The following SOX10 variants were observed in gnomAD, a reference collection of about 807,000 sequenced individuals.
SOX10 encodes the protein transcription factor SOX-10.
SOX10 carries 3 observed loss-of-function variants against 35.0 expected under a neutral mutation model. That is an observed-to-expected ratio of 0.09 (90% CI 0.04 to 0.22). SOX10 has a LOEUF of 0.22. Among genes scored for constraint, SOX10 ranks in the 10% least tolerant of loss-of-function variants. The pLI, the probability that SOX10 is intolerant of heterozygous loss-of-function variation, is 1.00. For synonymous variants in SOX10, 285 were observed against 291.0 expected, an observed-to-expected ratio of 0.98 and a Z score of 0.21; for missense variants, 436 against 655.1, an observed-to-expected ratio of 0.67 and a Z score of 3.65.
chr22:37,977,909 C>T lies in SOX10; in HGVS notation c.655G>A (p.Glu219Lys), dbSNP rs1184710380. ...SAHLDHRHPGEGSPMSDGNPE... is the reference protein window; with the variant it reads ...SAHLDHRHPGKGSPMSDGNPE... ...TTCCCATCTGACATGGGGGAGCCCT[C>T]TCCTGGGTGCCGGTGGTCCAAGTGG... Residue 219 changes from glutamate to lysine, a missense_variant, in exon 3 of 4, where the codon GAG (glutamate) becomes AAG (lysine). Glu to Lys is a moderately conservative substitution (Grantham distance 56). Around this residue, in one of 3 missense-constraint regions of SOX10, gnomAD observed 285 missense variants for 402.9 expected, o/e 0.71. Transcript: ENST00000396884. 8.1e-6 allele frequency: 13 copies of T among 1,613,086 alleles called. No homozygotes were observed. Among genetic ancestry groups the T allele is most frequent in the Non-Finnish European group, 1.1e-5 (13 of 1,179,828 alleles).
intron 2 of SOX10, among the ~76,000 whole-genome samples, chr22:37,982,554 G>A (rs374197707): frequency 4.6e-5 from 7 of 152,292 alleles, no homozygotes; most frequent in East Asian, 1.9e-4. Context: ...CCCTGGGCAG[G>A]AAGGAGGCCA....
chr22:37,979,468 T>G (rs556034842), intron 2 of SOX10, among the ~76,000 whole-genome samples: 3 of 151,932 alleles, frequency 2.0e-5, no homozygotes, highest in Non-Finnish European at 4.4e-5. Context: ...GACTCTTAAC[T>G]CTGGGTCCTG....
chr22:37,980,438 G>A lies in SOX10; in HGVS notation c.429-2303C>T, dbSNP rs976806585. On this transcript the variant is annotated intron_variant, in intron 2 of 3. Transcript: ENST00000396884. The surrounding 1 kb of genome is among the most constrained non-coding windows in gnomAD (Gnocchi z 4.1). Reference sequence around the variant, plus strand: ...AGAAGAGAGAGAGGATTCCAACATCGGATTCCGCTGCTACCTCCTAAGCTA... The same window carrying A: ...AGAAGAGAGAGAGGATTCCAACATCAGATTCCGCTGCTACCTCCTAAGCTA... 6.6e-6 allele frequency among the ~76,000 whole-genome samples: 1 copy of A among 152,086 alleles called. No individual in the cohort carries two copies. The highest frequency in any genetic ancestry group is 1.5e-5 in the Non-Finnish European group (1 of 68,010).
intron 3 of SOX10, among the ~76,000 whole-genome samples, chr22:37,975,026 G>A (rs1012967897): frequency 1.3e-5 from 2 of 152,228 alleles, no homozygotes; most frequent in South Asian, 2.1e-4. Context: ...CCTTAGCCCC[G>A]TCATACGCTG....
chr22:37,976,126 G>T (rs1402943033), intron 3 of SOX10, among the ~76,000 whole-genome samples: 2 of 152,150 alleles, frequency 1.3e-5, no homozygotes, highest in Non-Finnish European at 2.9e-5. Context: ...AGGAGGCTGA[G>T]GCACAAGAAT....
At chr22:37,975,477 T>C (rs995354631) in intron 3 of SOX10, among the ~76,000 whole-genome samples, 2 of 151,946 alleles carry the variant, frequency 1.3e-5, no homozygotes, top group Non-Finnish European at 2.9e-5. Context: ...TCTCCTGATG[T>C]GTGTGTGTGT....
rs1555939523 is a variant in SOX10 at position 37,983,658 on chromosome 22, G to T, written c.127C>A (p.Arg43=). ...AGCTCGCCTGGCCCCGGGCTGGCTC[G>T]CAGGCCCGATCCGCCGCCGCCGCCG... is the stretch of plus-strand genomic sequence containing the variant. The part of the protein sequence containing the change: ...PDGGGGGSGL[R]ASPGPGELGK... Residue 43 remains arginine, a synonymous_variant, in exon 2 of 4, where the codon CGA becomes AGA. Transcript: ENST00000396884. This position sits in a 1 kb window ranked among gnomAD's most constrained non-coding sequence, Gnocchi z 9.5. The T allele has an allele frequency of 1.3e-6, 2 of 1,590,728 alleles. No individual in the cohort carries two copies. The highest frequency in any genetic ancestry group is 1.7e-6 in the Non-Finnish European group (2 of 1,174,074).
Position 37,978,277 on chromosome 22 carries a change from G to T in SOX10, c.429-142C>A. ...GCACCCAGAGGACAGGACCCGGGGT[G>T]GGGGCTGTGCCCTATGATTTGTGGA... On this transcript the variant is annotated intron_variant, in intron 2 of 3. Transcript: ENST00000396884. This position sits in a 1 kb window ranked among gnomAD's most constrained non-coding sequence, Gnocchi z 5.0. The T allele has an allele frequency of 1.1e-6, 1 of 876,760 alleles. No homozygotes were observed. The highest frequency in any genetic ancestry group is 1.7e-6 in the Non-Finnish European group (1 of 593,578). 54.3% of individuals were successfully genotyped at this position (876,760 alleles called of 1,614,324 possible).
rs1213827706 is a variant in SOX10 at position 37,980,090 on chromosome 22, C to G, written c.429-1955G>C. Among the ~76,000 whole-genome samples the G allele has an allele frequency of 6.6e-6, 1 of 152,178 alleles. No homozygotes were observed. The highest frequency in any genetic ancestry group is 1.9e-4 in the East Asian group (1 of 5,190). ...AGCCCAGCCCTAGCCCCAGCTTTCT[C>G]AGAGGGTCCCTCCAGCCGAGACTCT... is the stretch of plus-strand genomic sequence containing the variant. On this transcript the variant is annotated intron_variant, in intron 2 of 3. Transcript: ENST00000396884. This position sits in a 1 kb window ranked among gnomAD's most constrained non-coding sequence, Gnocchi z 4.1.
At chr22:37,979,675 A>T (rs1932335783) in intron 2 of SOX10, among the ~76,000 whole-genome samples, 1 of 152,056 alleles carries the variant, frequency 6.6e-6, no homozygotes, top group Non-Finnish European at 1.5e-5. Context: ...AGAAGCCCTG[A>T]AGCCAGCGCC....
rs1381866628 is a variant in SOX10 at position 37,983,287 on chromosome 22, G to C, written c.428+70C>G. On this transcript the variant is annotated intron_variant, in intron 2 of 3. Transcript: ENST00000396884. The surrounding 1 kb of genome is among the most constrained non-coding windows in gnomAD (Gnocchi z 9.5). Reference sequence around the variant, plus strand: ...TCCCGCTCTGAGGTGCAGGAGGCCGGGCCGCCTCGGCTACCCTGAATCCAC... The same window carrying C: ...TCCCGCTCTGAGGTGCAGGAGGCCGCGCCGCCTCGGCTACCCTGAATCCAC... 2 of 1,523,890 alleles carry C rather than the reference G, an allele frequency of 1.3e-6. No individual in the cohort carries two copies. Among genetic ancestry groups the C allele is most frequent in the South Asian group, 1.2e-5 (1 of 83,986 alleles). The allele number at this position is 1,523,890 out of a possible 1,614,324, so 94.4% of individuals were successfully genotyped here.
Position 37,973,869 on chromosome 22 carries a change from G to T in SOX10, c.1027C>A (p.Pro343Thr), listed in dbSNP as rs754480545. 1.9e-6 allele frequency: 3 copies of T among 1,609,682 alleles called. No individual in the cohort carries two copies. The highest frequency in any genetic ancestry group is 1.7e-5 in the Admixed American group (1 of 59,984). The change falls in exon 4 of 4, where the codon CCC (proline) becomes ACC (threonine). Residue 343 changes from proline (P) to threonine (T), a missense_variant. This residue lies in a region of SOX10 where 285 missense variants were observed against 402.9 expected (regional missense o/e 0.71). Transcript: ENST00000396884. ...WISKPPGVAL[P>T]TVSPPGVDAK... ...TCCACACCAGGTGGTGAGACCGTGGGCAGAGCCACGCCTGGTGGCTTGGAG... is the reference window on the plus strand; with the variant it reads ...TCCACACCAGGTGGTGAGACCGTGGTCAGAGCCACGCCTGGTGGCTTGGAG...
chr22:37,983,822 T>TC lies in SOX10; in HGVS notation c.-39dup. Reference sequence around the variant, plus strand: ...CGCCGCCGCCGCCGCCTCGGCCGCCTCCCCCGGGCCAGCCGCCGGGGTCCT... The same window carrying TC: ...CGCCGCCGCCGCCGCCTCGGCCGCCTCCCCCCGGGCCAGCCGCCGGGGTCCT... On this transcript the variant is annotated 5_prime_UTR_variant, in exon 2 of 4. Transcript: ENST00000396884. The surrounding 1 kb of genome is among the most constrained non-coding windows in gnomAD (Gnocchi z 9.5). The TC allele has an allele frequency of 7.2e-7, 1 of 1,381,740 alleles. No homozygotes were observed. Among genetic ancestry groups the TC allele is most frequent in the Non-Finnish European group, 9.4e-7 (1 of 1,066,964 alleles). The allele number at this position is 1,381,740 out of a possible 1,614,324, so 85.6% of individuals were successfully genotyped here. A position where few individuals can be genotyped will look rare whatever the true frequency, so the allele number is the denominator to read the frequency against.
intron 3 of SOX10, 29 bp downstream of exon 3, chr22:37,977,838 C>T (rs1161974809): frequency 6.3e-7 from 1 of 1,594,352 alleles, no homozygotes; most frequent in Non-Finnish European, 8.6e-7. Flanking sequence ...TGGCCTTGCC[C>T]CACCCTCAGC....
chr22:37,973,943 T>C lies in SOX10; in HGVS notation c.953A>G (p.Tyr318Cys), dbSNP rs1452885523. The C allele has an allele frequency of 2.5e-6, 4 of 1,610,734 alleles. No individual in the cohort carries two copies. The highest frequency in any genetic ancestry group is 3.4e-6 in the Non-Finnish European group (4 of 1,179,914). ...CACGGCCAGGGCACTGCCCAGCCCA[T>C]AGCCGGCTGCTGAGTAGCTGCTCAC... ...GHVSSYSAAG[Y>C]GLGSALAVAS... The change falls in exon 4 of 4, where the codon TAT becomes TGT. Residue 318 changes from tyrosine (Y) to cysteine (C), a missense_variant. Tyr to Cys is a radical substitution (Grantham distance 194). Coordinates refer to ENST00000396884, the MANE Select transcript of SOX10 (RefSeq NM_006941.4).
At position 37,978,508 on chromosome 22, in the gene SOX10, T is replaced by C. The variant is rs182290333; in HGVS notation, c.429-373A>G. Among the ~76,000 whole-genome samples the C allele has an allele frequency of 3.7e-4, 56 of 152,306 alleles. No homozygotes were observed. The highest frequency in any genetic ancestry group is 1.3e-3 in the African/African-American group (54 of 41,572). On this transcript the variant is annotated intron_variant, in intron 2 of 3. Transcript: ENST00000396884. This position sits in a 1 kb window ranked among gnomAD's most constrained non-coding sequence, Gnocchi z 5.0. Reference sequence around the variant, plus strand: ...TCATCAAAGCTGTCTGCAAGTGGAATTGGCTACTTCAGTGGGGGTGAGCTC... The same window carrying C: ...TCATCAAAGCTGTCTGCAAGTGGAACTGGCTACTTCAGTGGGGGTGAGCTC...
At chr22:37,979,659 G>C (rs1464836283) in intron 2 of SOX10, among the ~76,000 whole-genome samples, 3 of 152,112 alleles carry the variant, frequency 2.0e-5, no homozygotes, top group South Asian at 2.1e-4. Flanking sequence ...CCAACACATG[G>C]AGAGAAGAAG....
At chr22:37,977,126 C>T (rs1354317141) in intron 3 of SOX10, among the ~76,000 whole-genome samples, 3 of 150,148 alleles carry the variant, frequency 2.0e-5, no homozygotes, top group African/African-American at 7.4e-5. Context: ...CGAGATCATG[C>T]CACTGCAGTC....
At chr22:37,981,789 C>G (rs1274561653) in intron 2 of SOX10, among the ~76,000 whole-genome samples, 1 of 152,236 alleles carries the variant, frequency 6.6e-6, no homozygotes, top group Non-Finnish European at 1.5e-5. Flanking sequence ...TAGCTGTGAC[C>G]TCTGCTCTTG....
Sources: gnomAD v4.1 joint callset for allele counts (sites outside exome capture counted in the v4.1 genomes callset) on GRCh38, gnomAD v4.1.1 for gene constraint, gnomAD v4.1.1 regional missense constraint, Gnocchi (gnomAD v3.1) non-coding constraint, MANE v1.5 for transcripts, NCBI Gene and HGNC (gene_info 2026-07-23, HGNC 2026-07-21) for gene names.